DLGAP2: variants seen among roughly 807,000 people sequenced by gnomAD.
DLGAP2 encodes DLG associated protein 2, also known as disks large-associated protein 2.
DLGAP2 carries 26 observed loss-of-function variants against 100.3 expected under a neutral mutation model. The observed-to-expected ratio is 0.26, with a 90% CI of 0.19 to 0.36. DLGAP2 has a LOEUF of 0.36. Ranked by LOEUF, DLGAP2 falls within the 10% of genes least tolerant of loss-of-function variation. The pLI is 1.00. For synonymous variants in DLGAP2, 886 were observed against 630.1 expected (o/e 1.41, Z -6.08); for missense variants, 1,858 against 1,453.2 (o/e 1.28, Z -4.53).
At chr8:811,908 G>A (rs952987232) in intron 1 of DLGAP2, among the ~76,000 whole-genome samples, 1 of 152,238 alleles carries the variant, frequency 6.6e-6, no homozygotes, top group Non-Finnish European at 1.5e-5. Context: ...CCAGTAAGTT[G>A]CCTTTACTGT....
chr8:1,556,146 C>T (rs189519703), intron 5 of DLGAP2, among the ~76,000 whole-genome samples: 58 of 152,306 alleles, frequency 3.8e-4, no homozygotes, highest in Admixed American at 1.6e-3. Flanking sequence ...CCCTGAGGAA[C>T]CATCTGCATT....
At chr8:830,726 A>G (rs1426184526) in intron 1 of DLGAP2, among the ~76,000 whole-genome samples, 2 of 152,094 alleles carry the variant, frequency 1.3e-5, no homozygotes, top group Non-Finnish European at 2.9e-5. Flanking sequence ...TGAAATCAAA[A>G]CAAGGTATTA....
chr8:1,233,080 G>A (rs1423095899), intron 2 of DLGAP2, among the ~76,000 whole-genome samples: 1 of 152,194 alleles, frequency 6.6e-6, no homozygotes, highest in African/African-American at 2.4e-5. Flanking sequence ...ACGTGTTCAA[G>A]TTTCATCCAT....
chr8:1,162,329 A>T (rs1396480539), intron 2 of DLGAP2, among the ~76,000 whole-genome samples: 1 of 152,218 alleles, frequency 6.6e-6, no homozygotes, highest in Non-Finnish European at 1.5e-5. Flanking sequence ...GTTTCTAGCC[A>T]GCGTGAATTG....
chr8:919,646 G>A (rs985342828), intron 2 of DLGAP2, among the ~76,000 whole-genome samples: 10 of 152,216 alleles, frequency 6.6e-5, no homozygotes, highest in Admixed American at 1.3e-4. Context: ...CCCGGGATCC[G>A]TCCGGCCGAG....
intron 3 of DLGAP2, among the ~76,000 whole-genome samples, chr8:1,490,293 C>T (rs962169642): frequency 3.3e-5 from 5 of 152,336 alleles, no homozygotes; most frequent in Middle Eastern, 3.4e-3. Context: ...GTGATTGCTC[C>T]TGCCACATCG....
At chr8:1,498,047 G>T (rs769172215) in intron 3 of DLGAP2, among the ~76,000 whole-genome samples, 1 of 152,200 alleles carries the variant, frequency 6.6e-6, no homozygotes, top group Non-Finnish European at 1.5e-5. Flanking sequence ...CCTTGGTTGG[G>T]TCTGGAAAGG....
chr8:1,050,625 A>G (rs1802650451), intron 2 of DLGAP2, among the ~76,000 whole-genome samples: 1 of 152,174 alleles, frequency 6.6e-6, no homozygotes. Flanking sequence ...GGAATAGCTA[A>G]TTGCATCCCA....
chr8:980,126 C>T (rs1229207907), intron 2 of DLGAP2, among the ~76,000 whole-genome samples: 1 of 152,148 alleles, frequency 6.6e-6, no homozygotes, highest in African/African-American at 2.4e-5. Flanking sequence ...TTCCGGGAGT[C>T]AGGAGTGACT....
chr8:1,315,886 C>G (rs1216850277), intron 3 of DLGAP2, among the ~76,000 whole-genome samples: 30 of 134,142 alleles, frequency 2.2e-4, no homozygotes, highest in African/African-American at 7.6e-4. Flanking sequence ...GTGGTCTACA[C>G]TCGAGAAACT....
chr8:1,000,915 C>A lies in DLGAP2; in HGVS notation c.73+92949C>A, dbSNP rs6987745. On this transcript the variant is annotated intron_variant, in intron 2 of 14. Coordinates refer to ENST00000637795, the MANE Select transcript of DLGAP2 (RefSeq NM_001346810.2). ...GTGCTGATTCTTGGTTCCATGCGGCCTCCGAGAGTGCCTGGGAGCAGGTGA... is the reference window on the plus strand; with the variant it reads ...GTGCTGATTCTTGGTTCCATGCGGCATCCGAGAGTGCCTGGGAGCAGGTGA... 3.2e-3 allele frequency among the ~76,000 whole-genome samples: 481 copies of A among 152,002 alleles called. 7 individuals are homozygous for A. The highest frequency in any genetic ancestry group is 0.011 in the African/African-American group (471 of 41,432).
intron 2 of DLGAP2, among the ~76,000 whole-genome samples, chr8:1,020,339 C>A (rs1488982378): frequency 2.6e-5 from 4 of 152,240 alleles, no homozygotes; most frequent in East Asian, 1.9e-4. Flanking sequence ...AAGCCCCTGA[C>A]TGGCTTAAGG....
At chr8:959,276 T>G (rs918201637) in intron 2 of DLGAP2, among the ~76,000 whole-genome samples, 2 of 152,108 alleles carry the variant, frequency 1.3e-5, no homozygotes, top group Non-Finnish European at 2.9e-5. Flanking sequence ...GGCTCTAATG[T>G]TTTGGGGAAG....
At chr8:1,566,198 GTC>G (rs1563224883) in intron 6 of DLGAP2, among the ~76,000 whole-genome samples, 1 of 152,286 alleles carries the variant, frequency 6.6e-6, no homozygotes, top group South Asian at 2.1e-4. Flanking sequence ...ACAAGCACAT[GTC>G]TCTGTTTGTA....
At chr8:1,441,624 G>T (rs58447221) in intron 3 of DLGAP2, among the ~76,000 whole-genome samples, 21,874 of 148,150 alleles carry the variant, frequency 0.15, 1,904 homozygotes, top group South Asian at 0.28. Flanking sequence ...GGAGGCGGAG[G>T]TTGCAGTGAG....
At chr8:1,136,071 A>G (rs915952825) in intron 2 of DLGAP2, among the ~76,000 whole-genome samples, 1 of 152,062 alleles carries the variant, frequency 6.6e-6, no homozygotes, top group African/African-American at 2.4e-5. Flanking sequence ...CCTGCTCATG[A>G]AAAATTCACG....
At chr8:1,330,079 C>G (rs1024157210) in intron 3 of DLGAP2, among the ~76,000 whole-genome samples, 5 of 152,208 alleles carry the variant, frequency 3.3e-5, no homozygotes, top group Non-Finnish European at 7.3e-5. Flanking sequence ...GTCACAGTCC[C>G]TCATGTGGGG....
rs766782623 is a variant in DLGAP2, at chr8:1,626,772, C to T, written c.1475C>T (p.Pro492Leu). 3 of 1,604,062 alleles carry T rather than the reference C, an allele frequency of 1.9e-6. No individual in the cohort carries two copies. Among genetic ancestry groups the T allele is most frequent in the Non-Finnish European group, 2.6e-6 (3 of 1,175,676 alleles). ...TACCTGCAAGCTGCAAGCGATGTGC[C>T]TGTGGGACACAGCCTGGACCCCGCT... is the stretch of plus-strand genomic sequence containing the variant. ...QTYLQAASDVPVGHSLDPAAN... is the reference protein window; with the variant it reads ...QTYLQAASDVLVGHSLDPAAN... Residue 492 changes from proline to leucine, a missense_variant, in exon 7 of 15, where the codon CCT becomes CTT. Transcript: ENST00000637795.
intron 1 of DLGAP2, among the ~76,000 whole-genome samples, chr8:870,019 A>T (rs1217502799): frequency 1.3e-5 from 2 of 152,180 alleles, no homozygotes; most frequent in Non-Finnish European, 2.9e-5. Context: ...AAAAAAAAAA[A>T]AAATGATTTG....
Sources: gnomAD v4.1 joint callset for allele counts (sites outside exome capture counted in the v4.1 genomes callset) on GRCh38, gnomAD v4.1.1 for gene constraint, MANE v1.5 for transcripts, NCBI Gene and HGNC (gene_info 2026-07-23, HGNC 2026-07-21) for gene names.